Variants in NFYC observed in about 807,000 individuals in gnomAD.
NFYC encodes the protein CAAT box DNA-binding protein subunit C.
NFYC carries 25 observed loss-of-function variants against 53.1 expected under a neutral mutation model. That is an observed-to-expected ratio of 0.47 (90% CI 0.34 to 0.66). The LOEUF (loss-of-function observed/expected upper bound fraction) is 0.66. Ranked by LOEUF, NFYC falls within the 30% of genes least tolerant of loss-of-function variation. NFYC has a pLI of 0.01. For missense variants in NFYC, 260 were observed against 422.7 expected, an observed-to-expected ratio of 0.62 and a Z score of 3.38; for synonymous variants, 145 against 152.6, an observed-to-expected ratio of 0.95 and a Z score of 0.37.
chr1:40,702,099 C>T (rs1174071955), intron 1 of NFYC, among the ~76,000 whole-genome samples: 4 of 152,102 alleles, frequency 2.6e-5, no homozygotes, highest in South Asian at 2.1e-4. Context: ...AGAGCTGAAG[C>T]GAGTCTTTGC....
chr1:40,712,515 T>C (rs1161632358), intron 1 of NFYC: 3 of 151,432 alleles, frequency 2.0e-5, no homozygotes, highest in African/African-American at 7.3e-5. Context: ...AGGTTACATA[T>C]TTAGTTTGTA....
rs758026622 is a variant in NFYC at position 40,771,225 on chromosome 1, G to A, written c.*397G>A. The A allele has an allele frequency of 1.9e-5, 6 of 308,374 alleles. 1 individual carries two copies. The Middle Eastern group carries it at 3.4e-3, about 174-fold the overall frequency. The allele number at this position is 308,374 out of a possible 1,614,324, so 19.1% of individuals were successfully genotyped here. On this transcript the variant is annotated 3_prime_UTR_variant, in exon 10 of 10. Coordinates refer to ENST00000447388, the MANE Select transcript of NFYC (RefSeq NM_014223.5). ...GGAGCAAATCTCCCCAGGGGTGTAC[G>A]GTATTTCTTGACTCTGGGAACAGCT...
chr1:40,703,722 C>A (rs1019657989), intron 1 of NFYC, among the ~76,000 whole-genome samples: 2 of 152,146 alleles, frequency 1.3e-5, no homozygotes, highest in Non-Finnish European at 2.9e-5. Context: ...CTTCAAGAAG[C>A]CCTTCTTTGG....
rs373335849 is a variant in NFYC at position 40,693,838 on chromosome 1, G to A, written c.-9+1971G>A. On this transcript the variant is annotated intron_variant, in intron 1 of 9. Transcript: ENST00000447388. ...ACTTTGATTTCTGGGTGTTTAGAGT[G>A]TATAAAATGGAAGACTATAATTCTT... Among the ~76,000 whole-genome samples the A allele has an allele frequency of 9.8e-5, 15 of 152,340 alleles. No homozygotes were observed. The East Asian group carries it at 2.3e-3, about 23-fold the overall frequency.
At chr1:40,725,418 T>C (rs2148509894) in intron 1 of NFYC, among the ~76,000 whole-genome samples, 1 of 152,344 alleles carries the variant, frequency 6.6e-6, no homozygotes, top group Non-Finnish European at 1.5e-5. Context: ...TACACAGACG[T>C]AGGTCTTTTA....
At chr1:40,751,577 TTTTG>T in intron 4 of NFYC, among the ~76,000 whole-genome samples, 1 of 152,090 alleles carries the variant, frequency 6.6e-6, no homozygotes, top group South Asian at 2.1e-4. Flanking sequence ...GGCTTAAAAT[TTTTG>T]TTGTTGTTGT....
intron 1 of NFYC, among the ~76,000 whole-genome samples, chr1:40,733,775 G>A (rs1027977630): frequency 6.6e-6 from 1 of 150,528 alleles, no homozygotes. Flanking sequence ...ATGGAGTCTC[G>A]CTCTGTCGCC....
intron 1 of NFYC, among the ~76,000 whole-genome samples, chr1:40,715,219 C>T (rs1644088055): frequency 6.6e-6 from 1 of 151,964 alleles, no homozygotes; most frequent in Admixed American, 6.6e-5. Context: ...GCCTGGCCAA[C>T]ATGGTGAAAC....
chr1:40,758,130 C>T lies in NFYC; in HGVS notation c.397C>T (p.Arg133Cys), dbSNP rs145952468. Residue 133 changes from arginine (R) to cysteine (C), a missense_variant, in exon 6 of 10, where the codon CGC (arginine) becomes TGC (cysteine). Coordinates refer to ENST00000447388, the MANE Select transcript of NFYC (RefSeq NM_014223.5). ...TCTTTCCACCCAACAGGAGGAGGTG[C>T]GCCAGTCTGTAACTCCTGCCGAGCC... ...LKPPKRQEEVRQSVTPAEPVQ... is the reference protein window; with the variant it reads ...LKPPKRQEEVCQSVTPAEPVQ... The T allele has an allele frequency of 8.7e-6, 14 of 1,611,672 alleles. No individual in the cohort carries two copies. The highest frequency in any genetic ancestry group is 3.3e-5 in the Admixed American group (2 of 59,976).
intron 5 of NFYC, among the ~76,000 whole-genome samples, chr1:40,756,685 T>C (rs79830529): frequency 6.6e-6 from 1 of 152,350 alleles, no homozygotes; most frequent in African/African-American, 2.4e-5. Context: ...TACTTTTTTC[T>C]ATTGGTAACA....
intron 1 of NFYC, among the ~76,000 whole-genome samples, chr1:40,729,643 T>G (rs1324443877): frequency 2.0e-5 from 3 of 152,174 alleles, no homozygotes; most frequent in Admixed American, 6.5e-5. Context: ...GGTAAGTGTT[T>G]GGTGCAAGAG....
intron 1 of NFYC, among the ~76,000 whole-genome samples, chr1:40,700,512 A>C (rs1643381466): frequency 1.3e-5 from 2 of 151,872 alleles, no homozygotes; most frequent in South Asian, 4.2e-4. Flanking sequence ...TGCCCAGCTA[A>C]TTTTTTTATT....
intron 1 of NFYC, among the ~76,000 whole-genome samples, chr1:40,697,082 C>T (rs1448300388): frequency 1.3e-5 from 2 of 152,220 alleles, no homozygotes; most frequent in East Asian, 3.8e-4. Flanking sequence ...ACCCTCTGTG[C>T]TGGAGCAGGT....
intron 1 of NFYC, among the ~76,000 whole-genome samples, chr1:40,725,001 G>A (rs1050864225): frequency 6.6e-6 from 1 of 152,188 alleles, no homozygotes; most frequent in African/African-American, 2.4e-5. Context: ...GCATTAATCA[G>A]AGTTGGGGAA....
intron 1 of NFYC, among the ~76,000 whole-genome samples, chr1:40,727,026 C>T (rs776101128): frequency 1.1e-4 from 17 of 152,342 alleles, no homozygotes; most frequent in Admixed American, 1.3e-4. Flanking sequence ...AATCCAGTCA[C>T]ATCTCAGGCT....
At chr1:40,738,726 A>G (rs1645184190) in intron 1 of NFYC, 110 bp from the exon 2 acceptor site, 2 of 732,346 alleles carry the variant, frequency 2.7e-6, no homozygotes, top group African/African-American at 3.5e-5. Flanking sequence ...TATCAAACTG[A>G]AAGATTGAAT....
At chr1:40,708,899 C>T (rs962135456) in intron 1 of NFYC, among the ~76,000 whole-genome samples, 3 of 152,252 alleles carry the variant, frequency 2.0e-5, no homozygotes, top group Admixed American at 6.5e-5. Flanking sequence ...CATAGGATAC[C>T]GTAGCAGTAT....
At chr1:40,753,098 G>A (rs1646006961) in intron 4 of NFYC, 53 bp from the exon 5 acceptor site, 1 of 1,356,814 alleles carries the variant, frequency 7.4e-7, no homozygotes, top group Admixed American at 1.7e-5. Flanking sequence ...ATAAAGCCAA[G>A]TGAACTAGTT....
intron 5 of NFYC, chr1:40,757,864 T>G: frequency 3.6e-6 from 2 of 558,004 alleles, no homozygotes; most frequent in Non-Finnish European, 6.4e-6. Flanking sequence ...CGTTTGCAAC[T>G]TATCATGCAA....
Sources: allele counts gnomAD v4.1 joint callset (sites outside exome capture counted in the v4.1 genomes callset), GRCh38; gene constraint gnomAD v4.1.1; transcripts MANE v1.5; gene names NCBI Gene and HGNC (gene_info 2026-07-23, HGNC 2026-07-21).